Variants in RBM5 observed in about 807,000 individuals in gnomAD.
RBM5 encodes RNA binding motif protein 5, also known as RNA-binding protein 5.
In RBM5, 15 loss-of-function variants were observed where a neutral mutation model predicts 124.6. The observed-to-expected ratio is 0.12, with a 90% CI of 0.08 to 0.19. The LOEUF (loss-of-function observed/expected upper bound fraction) is 0.19. RBM5 is among the 10% of genes least tolerant of loss of function. The probability of loss-of-function intolerance (pLI) is 1.00; values close to 1 mark genes in which losing one functional copy is unlikely to be tolerated. For synonymous variants in RBM5, 337 were observed against 361.2 expected, an observed-to-expected ratio of 0.93 and a Z score of 0.76; for missense variants, 580 against 1,026.5, an observed-to-expected ratio of 0.57 and a Z score of 5.94.
chr3:50,102,497 A>C (rs1177023996), intron 6 of RBM5: 1 of 152,238 alleles, frequency 6.6e-6, no homozygotes, highest in East Asian at 1.9e-4. Context: ...GTTGTTTTAG[A>C]GTTGGTGGCA....
At chr3:50,111,588 T>C (rs2091145807) in intron 17 of RBM5, among the ~76,000 whole-genome samples, 1 of 152,132 alleles carries the variant, frequency 6.6e-6, no homozygotes, top group East Asian at 1.9e-4. Flanking sequence ...TTTGCCAGGC[T>C]GGTCTCGAAC....
intron 3 of RBM5, 28 bp downstream of exon 3, chr3:50,092,236 C>T (rs1303824799): frequency 6.2e-7 from 1 of 1,604,486 alleles, no homozygotes; most frequent in Admixed American, 1.7e-5. Flanking sequence ...GTATAACCCC[C>T]CAAAACACTC....
At chr3:50,113,279 T>TA in intron 17 of RBM5, 104 bp from the exon 18 acceptor site, 10 of 1,227,388 alleles carry the variant, frequency 8.1e-6, no homozygotes, top group Non-Finnish European at 1.1e-5. Context: ...GGGCAGGAAA[T>TA]ATCACTAGTC....
intron 1 of RBM5, 116 bp from the exon 2 acceptor site, chr3:50,090,266 A>C: frequency 3.1e-6 from 2 of 641,342 alleles, no homozygotes; most frequent in South Asian, 4.2e-5. Context: ...TTAGATAATC[A>C]CTGTCAATGA....
At chr3:50,106,043 C>A (rs2091020742) in intron 10 of RBM5, among the ~76,000 whole-genome samples, 1 of 150,848 alleles carries the variant, frequency 6.6e-6, no homozygotes, top group Non-Finnish European at 1.5e-5. Flanking sequence ...ACCTCTGCCT[C>A]CAGGGTTCAA....
intron 2 of RBM5, 76 bp from the exon 3 acceptor site, chr3:50,091,967 G>C: frequency 6.9e-7 from 1 of 1,445,338 alleles, no homozygotes; most frequent in South Asian, 1.1e-5. Flanking sequence ...TCTGTGGGCC[G>C]TGTGTATTTT....
At chr3:50,098,779 T>C (rs2090876665) in intron 4 of RBM5, among the ~76,000 whole-genome samples, 1 of 152,074 alleles carries the variant, frequency 6.6e-6, no homozygotes, top group African/African-American at 2.4e-5. Context: ...GGGGTCTTAC[T>C]GTGTTCCCCA....
chr3:50,094,044 C>T, intron 4 of RBM5, 169 bp downstream of exon 4: 1 of 597,786 alleles, frequency 1.7e-6, no homozygotes, highest in Non-Finnish European at 2.8e-6. Context: ...TTAATATTTG[C>T]ATTTACATAA....
intron 4 of RBM5, chr3:50,094,284 G>A (rs1254283849): frequency 6.5e-6 from 1 of 153,364 alleles, no homozygotes; most frequent in Non-Finnish European, 1.4e-5. Flanking sequence ...AGCCTCCTGA[G>A]TAGCTGGGAC....
chr3:50,105,815 A>T, intron 10 of RBM5, 106 bp downstream of exon 10: 2 of 1,227,944 alleles, frequency 1.6e-6, no homozygotes, highest in Non-Finnish European at 1.1e-6. Context: ...CCCAAGATGC[A>T]AGGCTCCCTA....
chr3:50,094,045 A>G (rs2090759409), intron 4 of RBM5, 170 bp downstream of exon 4: 2 of 599,676 alleles, frequency 3.3e-6, no homozygotes, highest in Non-Finnish European at 2.7e-6. Flanking sequence ...TAATATTTGC[A>G]TTTACATAAG....
At chr3:50,108,483 T>C (rs1207245241) in intron 14 of RBM5, among the ~76,000 whole-genome samples, 179 bp downstream of exon 14, 1 of 151,892 alleles carries the variant, frequency 6.6e-6, no homozygotes, top group African/African-American at 2.4e-5. Context: ...CCAAGGCAGG[T>C]GGATCACGAG....
chr3:50,106,118 A>ATTTTTTTTTTTTT (rs61297967), intron 10 of RBM5, among the ~76,000 whole-genome samples: 4 of 32,756 alleles, frequency 1.2e-4, no homozygotes, highest in African/African-American at 2.8e-4. Context: ...ACGCCCAGCT[A>ATTTTTTTTTTTTT]TTTTTTTTTT....
intron 3 of RBM5, 37 bp downstream of exon 3, chr3:50,092,245 T>C: frequency 6.3e-7 from 1 of 1,597,344 alleles, no homozygotes; most frequent in Non-Finnish European, 8.5e-7. Flanking sequence ...CCCAAAACAC[T>C]CTGAGCCTTA....
intron 3 of RBM5, among the ~76,000 whole-genome samples, chr3:50,093,210 C>T (rs1189190333): frequency 1.6e-4 from 24 of 150,666 alleles, no homozygotes; most frequent in African/African-American, 4.6e-4. Flanking sequence ...GAGGCCGAGG[C>T]GGGCGGATCA....
intron 4 of RBM5, among the ~76,000 whole-genome samples, chr3:50,097,015 G>A (rs1404326802): frequency 1.3e-5 from 2 of 152,086 alleles, no homozygotes; most frequent in African/African-American, 2.4e-5. Context: ...GGAGTCAGAG[G>A]CTTTTGGCAG....
intron 1 of RBM5, chr3:50,089,793 T>C (rs1483753401): frequency 6.5e-6 from 1 of 154,220 alleles, no homozygotes; most frequent in African/African-American, 2.4e-5. Flanking sequence ...ACTCAGTGGT[T>C]TGTAGTCATA....
chr3:50,118,628 G>A lies in RBM5; in HGVS notation c.*172G>A, dbSNP rs2091302263. ...CACCTTAAAGAAGTTCCCCTTATGT[G>A]GGTTGCCTGGTGAATGGCCTTCCTT... is the stretch of plus-strand genomic sequence containing the variant. On this transcript the variant is annotated 3_prime_UTR_variant, in exon 25 of 25. Coordinates refer to ENST00000347869, the MANE Select transcript of RBM5 (RefSeq NM_005778.4). 15 of 1,063,956 alleles carry A rather than the reference G, an allele frequency of 1.4e-5. No homozygotes were observed. In the South Asian group the frequency reaches 2.1e-4, roughly 15 times the overall value. 65.9% of individuals were successfully genotyped at this position (1,063,956 alleles called of 1,614,324 possible).
At chr3:50,115,628 A>G (rs1450151282) in intron 21 of RBM5, 21 bp downstream of exon 21, 2 of 1,590,794 alleles carry the variant, frequency 1.3e-6, no homozygotes, top group African/African-American at 2.7e-5. Flanking sequence ...TTCTGAGCTG[A>G]TCTGAGGGGG....
Sources: gnomAD v4.1 joint callset for allele counts (sites outside exome capture counted in the v4.1 genomes callset) on GRCh38, gnomAD v4.1.1 for gene constraint, MANE v1.5 for transcripts, NCBI Gene and HGNC (gene_info 2026-07-23, HGNC 2026-07-21) for gene names.